The following DDX46 variants were observed in gnomAD, a reference collection of about 807,000 sequenced individuals.
The protein encoded by DDX46 is DEAD-box helicase 46.
A neutral mutation model predicts 134.9 loss-of-function variants in DDX46; 30 were observed. The ratio of observed to expected loss-of-function variants is 0.22; its 90% CI spans 0.17 to 0.30. The LOEUF (loss-of-function observed/expected upper bound fraction) is 0.30. Among genes scored for constraint, DDX46 ranks in the 10% least tolerant of loss-of-function variants. The probability of loss-of-function intolerance (pLI) is 1.00; values close to 1 mark genes in which losing one functional copy is unlikely to be tolerated. For missense variants in DDX46, 622 were observed against 1,248.7 expected, an observed-to-expected ratio of 0.50 and a Z score of 7.56; for synonymous variants, 415 against 404.1, an observed-to-expected ratio of 1.03 and a Z score of -0.32.
intron 19 of DDX46, 45 bp downstream of exon 19, chr5:134,816,651 C>A (rs1169457934): frequency 1.9e-6 from 3 of 1,568,656 alleles, no homozygotes; most frequent in East Asian, 2.2e-5. Context: ...TTAAGAAGTT[C>A]TTTGATTTTA....
intron 15 of DDX46, among the ~76,000 whole-genome samples, chr5:134,800,995 G>A (rs1754811967): frequency 6.6e-6 from 1 of 151,940 alleles, no homozygotes; most frequent in South Asian, 2.1e-4. Flanking sequence ...TTTTAAGAAC[G>A]TTTGTAGGCC....
intron 2 of DDX46, among the ~76,000 whole-genome samples, chr5:134,765,436 C>G (rs1354805893): frequency 6.6e-6 from 1 of 151,594 alleles, no homozygotes; most frequent in African/African-American, 2.4e-5. Context: ...GCCTGTAAAC[C>G]CAGCTGCTCG....
At chr5:134,788,274 G>A (rs2150144857) in intron 11 of DDX46, among the ~76,000 whole-genome samples, 1 of 151,572 alleles carries the variant, frequency 6.6e-6, no homozygotes, top group East Asian at 1.9e-4. Context: ...TTCATTTCTT[G>A]GTTTTGAGGG....
In DDX46 at chr5:134,766,940, A is replaced by G. The variant is rs1415133930; in HGVS notation, c.230A>G (p.Asp77Gly). 6.2e-7 allele frequency: 1 copy of G among 1,613,702 alleles called. No homozygotes were observed. The highest frequency in any genetic ancestry group is 8.5e-7 in the Non-Finnish European group (1 of 1,179,896). The change falls in exon 3 of 23, where the codon GAC becomes GGC. Residue 77 changes from aspartate (D) to glycine (G), a missense_variant. Asp to Gly is a moderately conservative substitution (Grantham distance 94). Transcript: ENST00000452510. ...RLRRSRSRERDRSRERRRSRS... is the reference protein window; with the variant it reads ...RLRRSRSRERGRSRERRRSRS... ...AGACGTTCCAGAAGTAGAGAGAGAG[A>G]CAGAAGCCGAGAGCGAAGAAGATCT...
intron 2 of DDX46, among the ~76,000 whole-genome samples, chr5:134,765,941 G>C (rs1753554312): frequency 6.6e-6 from 1 of 152,160 alleles, no homozygotes; most frequent in Admixed American, 6.5e-5. Context: ...TGACTTTTGG[G>C]TGTGAAAGTA....
At chr5:134,782,846 C>A in intron 8 of DDX46, 99 bp from the exon 9 acceptor site, 1 of 1,463,594 alleles carries the variant, frequency 6.8e-7, no homozygotes, top group Non-Finnish European at 9.2e-7. Context: ...CTGGGTCTGG[C>A]ATAAGAGTTA....
chr5:134,761,286 A>C (rs1753377195), intron 1 of DDX46, among the ~76,000 whole-genome samples: 1 of 152,234 alleles, frequency 6.6e-6, no homozygotes, highest in African/African-American at 2.4e-5. Context: ...TGGCCTGCCA[A>C]AATGCTGGGA....
chr5:134,779,081 G>A (rs574021948), intron 6 of DDX46, among the ~76,000 whole-genome samples: 7 of 151,586 alleles, frequency 4.6e-5, no homozygotes, highest in African/African-American at 1.7e-4. Context: ...ATTTTTAGTG[G>A]AGATGGGGTT....
chr5:134,773,607 C>T (rs1180867767), intron 4 of DDX46, 89 bp from the exon 5 acceptor site: 2 of 1,410,984 alleles, frequency 1.4e-6, no homozygotes, highest in Admixed American at 2.8e-5. Context: ...CTTTGAAGAA[C>T]TTACTGGAAT....
chr5:134,795,527 G>A (rs1427630167), intron 14 of DDX46, among the ~76,000 whole-genome samples: 1 of 152,142 alleles, frequency 6.6e-6, no homozygotes, highest in African/African-American at 2.4e-5. Flanking sequence ...TTTAGTTTCT[G>A]TCACCAAAAG....
At chr5:134,769,349 TG>T (rs1158006444) in intron 3 of DDX46, among the ~76,000 whole-genome samples, 14 of 147,560 alleles carry the variant, frequency 9.5e-5, no homozygotes, top group African/African-American at 3.0e-4. Context: ...TTTTTTTTTT[TG>T]AGGCAGAATC....
At chr5:134,773,253 T>G (rs1753829094) in intron 4 of DDX46, among the ~76,000 whole-genome samples, 1 of 152,236 alleles carries the variant, frequency 6.6e-6, no homozygotes, top group African/African-American at 2.4e-5. Context: ...TTCTTTATCA[T>G]GTTGATGTCG....
At chr5:134,764,260 A>T (rs1456729348) in intron 2 of DDX46, among the ~76,000 whole-genome samples, 168 bp downstream of exon 2, 19 of 147,922 alleles carry the variant, frequency 1.3e-4, no homozygotes, top group Admixed American at 1.4e-4. Context: ...GCCTACAAAG[A>T]CTCTATCAAA....
At chr5:134,775,443 G>A (rs1019866830) in intron 5 of DDX46, among the ~76,000 whole-genome samples, 12 of 148,560 alleles carry the variant, frequency 8.1e-5, no homozygotes, top group Non-Finnish European at 1.3e-4. Flanking sequence ...TTTTTTTTTC[G>A]CTCTGTTGCC....
intron 1 of DDX46, among the ~76,000 whole-genome samples, chr5:134,761,949 C>A (rs1313519487): frequency 6.6e-6 from 1 of 151,942 alleles, no homozygotes; most frequent in Non-Finnish European, 1.5e-5. Context: ...CTCTCAGCAA[C>A]CAGAATAATA....
Position 134,777,618 on chromosome 5 carries a change from A to G in DDX46, c.658A>G (p.Met220Val), listed in dbSNP as rs1286611114. The change falls in exon 6 of 23, where the codon ATG becomes GTG. Residue 220 changes from methionine (M) to valine (V), a missense_variant. By Grantham distance (21) the Met-to-Val change is conservative. Transcript: ENST00000452510. ...PAEAEKEGNE[M>V]EGEELDPLDA... ...AGAAGCTGAAAAGGAGGGAAATGAAATGGAGGGTGAGGAGTTAGATCCATT... is the reference window on the plus strand; with the variant it reads ...AGAAGCTGAAAAGGAGGGAAATGAAGTGGAGGGTGAGGAGTTAGATCCATT... 3 of 1,613,516 alleles carry G rather than the reference A, an allele frequency of 1.9e-6. No individual in the cohort carries two copies. The Admixed American group carries it at 5.0e-5, about 27-fold the overall frequency.
chr5:134,786,475 C>T (rs150657527), intron 11 of DDX46, among the ~76,000 whole-genome samples: 126 of 152,088 alleles, frequency 8.3e-4, no homozygotes, highest in African/African-American at 3.0e-3. Flanking sequence ...TAGGTTAATA[C>T]GTTCTAGAGT....
chr5:134,818,763 C>A, intron 20 of DDX46, 97 bp from the exon 21 acceptor site: 5 of 975,108 alleles, frequency 5.1e-6, no homozygotes, highest in South Asian at 2.0e-5. Context: ...AGAGACCAAC[C>A]ATAATATGAT....
chr5:134,818,075 G>A (rs542585159), intron 20 of DDX46, among the ~76,000 whole-genome samples: 4 of 151,622 alleles, frequency 2.6e-5, no homozygotes, highest in Non-Finnish European at 2.9e-5. Flanking sequence ...TCAGCCTCGC[G>A]AGTAGCTGGG....
Sources: gnomAD v4.1 joint callset for allele counts (sites outside exome capture counted in the v4.1 genomes callset) on GRCh38, gnomAD v4.1.1 for gene constraint, MANE v1.5 for transcripts, NCBI Gene and HGNC (gene_info 2026-07-23, HGNC 2026-07-21) for gene names.